The following PCDHGB7 variants were observed in gnomAD, a reference collection of about 807,000 sequenced individuals.
PCDHGB7 encodes protocadherin gamma-B7.
A neutral mutation model predicts 61.4 loss-of-function variants in PCDHGB7; 37 were observed. The ratio of observed to expected loss-of-function variants is 0.60; its 90% confidence interval spans 0.46 to 0.79. The LOEUF is 0.79. Ranked by LOEUF, PCDHGB7 falls within the 30% of genes least tolerant of loss-of-function variation. PCDHGB7 has a pLI of 0.00. For missense variants in PCDHGB7, 1,166 were observed against 1,202.5 expected, an observed-to-expected ratio of 0.97 and a Z score of 0.45; for synonymous variants, 464 against 503.5, an observed-to-expected ratio of 0.92 and a Z score of 1.05.
rs1002764667 is a variant in PCDHGB7, at chr5:141,468,260, G to A, written c.2416-26547G>A. 4.0e-5 allele frequency among the ~76,000 whole-genome samples: 6 copies of A among 150,102 alleles called. No homozygotes were observed. The East Asian group carries it at 1.2e-3, about 30-fold the overall frequency. ...GAATTGCCTGAACCTGGGAGGCAGA[G>A]GTTGTGGTGAGCCGAGACCACGCCA... On this transcript the variant is annotated intron_variant, in intron 1 of 3. Coordinates refer to ENST00000398594, the MANE Select transcript of PCDHGB7 (RefSeq NM_018927.4).
rs2099670287 is a variant in PCDHGB7, at chr5:141,487,983, TC to T, written c.2416-6822del. Among the ~76,000 whole-genome samples, 3 of 152,290 alleles carry T rather than the reference TC, an allele frequency of 2.0e-5. No individual in the cohort carries two copies. The South Asian group carries it at 6.2e-4, about 32-fold the overall frequency. ...CAAAGGTGGCTGTTTTCTCTACTCT[TC>T]CTGAAAGAGGGGATCAGATTCTGAA... On this transcript the variant is annotated intron_variant, in intron 1 of 3. Coordinates refer to ENST00000398594, the MANE Select transcript of PCDHGB7 (RefSeq NM_018927.4). This position sits in a 1 kb window ranked among gnomAD's most constrained non-coding sequence, Gnocchi z 5.0.
intron 1 of PCDHGB7, among the ~76,000 whole-genome samples, chr5:141,444,733 G>A (rs1464370133): frequency 6.6e-6 from 1 of 152,106 alleles, no homozygotes; most frequent in Non-Finnish European, 1.5e-5. Flanking sequence ...TTTGTTGAAA[G>A]TCATTTCACT....
chr5:141,474,981 G>A (rs1336399018), intron 1 of PCDHGB7, among the ~76,000 whole-genome samples: 1 of 152,126 alleles, frequency 6.6e-6, no homozygotes, highest in African/African-American at 2.4e-5. Context: ...ATTTTGTTTG[G>A]TGACAACAAT....
At chr5:141,435,800 A>G (rs530461064) in intron 1 of PCDHGB7, among the ~76,000 whole-genome samples, 20 of 152,128 alleles carry the variant, frequency 1.3e-4, no homozygotes, top group Non-Finnish European at 2.6e-4. Flanking sequence ...ATAACGTCCC[A>G]ATTATTTTTT....
intron 1 of PCDHGB7, among the ~76,000 whole-genome samples, chr5:141,469,317 C>T (rs1354878667): frequency 6.6e-6 from 1 of 152,092 alleles, no homozygotes; most frequent in Non-Finnish European, 1.5e-5. Flanking sequence ...TGGCTCACGC[C>T]TGTAATCCCA....
intron 1 of PCDHGB7, chr5:141,428,769 T>A (rs1367357065): frequency 6.5e-6 from 1 of 154,242 alleles, no homozygotes; most frequent in Non-Finnish European, 1.4e-5. Flanking sequence ...TTGCCCACTC[T>A]TAATATTTCC....
At position 141,417,754 on chromosome 5, in the gene PCDHGB7, C is replaced by A; in HGVS notation, c.-106C>A. On this transcript the variant is annotated 5_prime_UTR_variant, in exon 1 of 4. Transcript: ENST00000398594. ...GCCCAGCACACCAGATTGCCAGCTC[C>A]GAGACCCGGGACTCCTCCTGTCCTG... 2 of 1,431,302 alleles carry A rather than the reference C, an allele frequency of 1.4e-6. No homozygotes were observed. Among genetic ancestry groups the A allele is most frequent in the Non-Finnish European group, 1.8e-6 (2 of 1,087,964 alleles). The allele number at this position is 1,431,302 out of a possible 1,614,324, so 88.7% of individuals were successfully genotyped here.
rs768074414 is a variant in PCDHGB7 at position 141,477,293 on chromosome 5, C to T, written c.2416-17514C>T. 8.1e-6 allele frequency: 13 copies of T among 1,614,180 alleles called. No homozygotes were observed. The highest frequency in any genetic ancestry group is 1.1e-5 in the Non-Finnish European group (13 of 1,180,036). ...CGGGCTGGTGACCTGCGAAGTTCCA[C>T]CGGGTCTCCCTTTCAGCCTTACTTC... On this transcript the variant is annotated intron_variant, in intron 1 of 3. Coordinates refer to ENST00000398594, the MANE Select transcript of PCDHGB7 (RefSeq NM_018927.4). This position sits in a 1 kb window ranked among gnomAD's most constrained non-coding sequence, Gnocchi z 4.9.
Position 141,486,170 on chromosome 5 carries a change from C to A in PCDHGB7, c.2416-8637C>A. ...TGGGGGTTCTCCAGCCATGGAGCAACATTGCAGCCTTCGAGTGGATCTGCT... is the reference window on the plus strand; with the variant it reads ...TGGGGGTTCTCCAGCCATGGAGCAAAATTGCAGCCTTCGAGTGGATCTGCT... On this transcript the variant is annotated intron_variant, in intron 1 of 3. Coordinates refer to ENST00000398594, the MANE Select transcript of PCDHGB7 (RefSeq NM_018927.4). This position sits in a 1 kb window ranked among gnomAD's most constrained non-coding sequence, Gnocchi z 5.0. 6.2e-7 allele frequency: 1 copy of A among 1,614,234 alleles called. No homozygotes were observed. Among genetic ancestry groups the A allele is most frequent in the African/African-American group, 1.3e-5 (1 of 75,052 alleles).
intron 1 of PCDHGB7, among the ~76,000 whole-genome samples, chr5:141,453,517 C>A (rs1001603927): frequency 1.3e-5 from 2 of 152,062 alleles, no homozygotes; most frequent in African/African-American, 4.8e-5. Flanking sequence ...TCATTCCTCC[C>A]CTATACCTTC....
chr5:141,432,873 T>G lies in PCDHGB7; in HGVS notation c.2415+12599T>G, dbSNP rs753576338. The stretch of plus-strand genomic sequence containing the variant: ...GTGGCCGCGGTCTCCTGCGTCTTCC[T>G]GGCCTTCGTCATCTTGCTGCTGGCG... On this transcript the variant is annotated intron_variant, in intron 1 of 3. Transcript: ENST00000398594. This position sits in a 1 kb window ranked among gnomAD's most constrained non-coding sequence, Gnocchi z 6.0. 4 of 1,614,204 alleles carry G rather than the reference T, an allele frequency of 2.5e-6. No homozygotes were observed. The highest frequency in any genetic ancestry group is 3.4e-6 in the Non-Finnish European group (4 of 1,180,014).
Position 141,491,078 on chromosome 5 carries a change from C to G in PCDHGB7, c.2416-3729C>G, listed in dbSNP as rs1386717886. The G allele has an allele frequency of 5.6e-6, 9 of 1,614,194 alleles. No homozygotes were observed. Among genetic ancestry groups the G allele is most frequent in the East Asian group, 4.5e-5 (2 of 44,882 alleles). ...CTCTCCTACTCACTGTTGCCACAGTCCACAGCCCCAGGACTGTTCCTCGTG... is the reference window on the plus strand; with the variant it reads ...CTCTCCTACTCACTGTTGCCACAGTGCACAGCCCCAGGACTGTTCCTCGTG... On this transcript the variant is annotated intron_variant, in intron 1 of 3. Transcript: ENST00000398594. This position sits in a 1 kb window ranked among gnomAD's most constrained non-coding sequence, Gnocchi z 6.9.
chr5:141,439,667 C>T (rs149776177), intron 1 of PCDHGB7, among the ~76,000 whole-genome samples: 2,012 of 152,292 alleles, frequency 0.013, 16 homozygotes, highest in Middle Eastern at 0.034. Context: ...TCATGGAATG[C>T]AAATCCAAGA....
rs760878091 is a variant in PCDHGB7 at position 141,476,406 on chromosome 5, T to A, written c.2416-18401T>A. The A allele has an allele frequency of 6.2e-7, 1 of 1,614,054 alleles. No individual in the cohort carries two copies. The highest frequency in any genetic ancestry group is 8.5e-7 in the Non-Finnish European group (1 of 1,180,002). On this transcript the variant is annotated intron_variant, in intron 1 of 3. Transcript: ENST00000398594. The surrounding 1 kb of genome is among the most constrained non-coding windows in gnomAD (Gnocchi z 7.6). Reference sequence around the variant, plus strand: ...AACGACCGTCTGGATCGAGAGGAGCTGTGTGGGACACTGCCCTCTTGCACT... The same window carrying A: ...AACGACCGTCTGGATCGAGAGGAGCAGTGTGGGACACTGCCCTCTTGCACT...
In PCDHGB7 at chr5:141,486,499, C is replaced by G. The variant is rs1487201957; in HGVS notation, c.2416-8308C>G. 2 of 1,614,010 alleles carry G rather than the reference C, an allele frequency of 1.2e-6. No homozygotes were observed. Among genetic ancestry groups the G allele is most frequent in the Non-Finnish European group, 1.7e-6 (2 of 1,179,874 alleles). On this transcript the variant is annotated intron_variant, in intron 1 of 3. Coordinates refer to ENST00000398594, the MANE Select transcript of PCDHGB7 (RefSeq NM_018927.4). This position sits in a 1 kb window ranked among gnomAD's most constrained non-coding sequence, Gnocchi z 5.0. ...CTCTCAGTACCCACAGAACTATTTT[C>G]CTCAATATTTCAGATGTGAATGATA...
Position 141,487,165 on chromosome 5 carries a change from C to T in PCDHGB7, c.2416-7642C>T, listed in dbSNP as rs1014219030. The T allele has an allele frequency of 1.9e-6, 3 of 1,612,932 alleles. No homozygotes were observed. The highest frequency in any genetic ancestry group is 2.5e-6 in the Non-Finnish European group (3 of 1,178,918). On this transcript the variant is annotated intron_variant, in intron 1 of 3. Coordinates refer to ENST00000398594, the MANE Select transcript of PCDHGB7 (RefSeq NM_018927.4). The surrounding 1 kb of genome is among the most constrained non-coding windows in gnomAD (Gnocchi z 5.0). ...CTACCTCTGTTACTCTCTTAGTGTC[C>T]TTAGAGGAAGACACTCATCCAGTTG...
At chr5:141,497,713 T>C (rs1357797720) in intron 2 of PCDHGB7, among the ~76,000 whole-genome samples, 3 of 152,084 alleles carry the variant, frequency 2.0e-5, no homozygotes, top group Non-Finnish European at 1.5e-5. Context: ...CTCATTTTTG[T>C]ATTTTTAGTA....
rs1305419943 is a variant in PCDHGB7, at chr5:141,438,625, T to C, written c.2415+18351T>C. Among the ~76,000 whole-genome samples the C allele has an allele frequency of 9.7e-4, 45 of 46,410 alleles. 2 individuals are homozygous for C. Among genetic ancestry groups the C allele is most frequent in the Admixed American group, 2.2e-3 (7 of 3,192 alleles). The allele number at this position is 46,410 out of a possible 152,430, so 30.4% of individuals were successfully genotyped here. On this transcript the variant is annotated intron_variant, in intron 1 of 3. Coordinates refer to ENST00000398594, the MANE Select transcript of PCDHGB7 (RefSeq NM_018927.4). The stretch of plus-strand genomic sequence containing the variant: ...ATATATATATATATATATATATATA[T>C]ATATATATATACACACACACACACA...
At chr5:141,451,640 G>A (rs2098720679) in intron 1 of PCDHGB7, among the ~76,000 whole-genome samples, 1 of 152,166 alleles carries the variant, frequency 6.6e-6, no homozygotes, top group South Asian at 2.1e-4. Context: ...CCAGCACTCT[G>A]AGAGGCCAAG....
Sources: gnomAD v4.1 joint callset for allele counts (sites outside exome capture counted in the v4.1 genomes callset) on GRCh38, gnomAD v4.1.1 for gene constraint, Gnocchi (gnomAD v3.1) non-coding constraint, MANE v1.5 for transcripts, NCBI Gene and HGNC (gene_info 2026-07-23, HGNC 2026-07-21) for gene names.